RIOK3: variants seen among roughly 807,000 people sequenced by gnomAD.
The protein encoded by RIOK3 is serine/threonine-protein kinase RIO3.
Under a neutral mutation model 63.5 loss-of-function variants are expected in RIOK3, and 40 were observed. The ratio of observed to expected loss-of-function variants is 0.63; its 90% CI spans 0.49 to 0.82. The LOEUF (loss-of-function observed/expected upper bound fraction) is 0.82. Ranked by LOEUF, RIOK3 falls within the 40% of genes least tolerant of loss-of-function variation. The probability of loss-of-function intolerance (pLI) is 0.00; values close to 1 mark genes in which losing one functional copy is unlikely to be tolerated. For synonymous variants in RIOK3, 193 were observed against 205.0 expected, an observed-to-expected ratio of 0.94 and a Z score of 0.50; for missense variants, 557 against 637.0, an observed-to-expected ratio of 0.87 and a Z score of 1.35.
chr18:23,464,174 A>G, intron 3 of RIOK3, 32 bp from the exon 4 acceptor site: 1 of 1,609,288 alleles, frequency 6.2e-7, no homozygotes, highest in Non-Finnish European at 8.5e-7. Flanking sequence ...ATGTGCTCCT[A>G]AGTAAATCTT....
intron 9 of RIOK3, among the ~76,000 whole-genome samples, chr18:23,475,949 T>TA (rs2057487712): frequency 1.4e-5 from 2 of 148,068 alleles, no homozygotes; most frequent in African/African-American, 5.0e-5. Context: ...GGCTTTTTTT[T>TA]TTTTTTTTTT....
rs1251825841 is a variant in RIOK3, at chr18:23,481,395, G to A, written c.*116G>A. 1.6e-6 allele frequency: 1 copy of A among 626,906 alleles called. No individual in the cohort carries two copies. Among genetic ancestry groups the A allele is most frequent in the African/African-American group, 1.9e-5 (1 of 52,716 alleles). The allele number at this position is 626,906 out of a possible 1,614,324, so 38.8% of individuals were successfully genotyped here. ...CTGAGGAGTGGGCAATGGTGCTTCTGTGCTTTTCCCCCTTGTAACCCATGT... is the reference window on the plus strand; with the variant it reads ...CTGAGGAGTGGGCAATGGTGCTTCTATGCTTTTCCCCCTTGTAACCCATGT... On this transcript the variant is annotated 3_prime_UTR_variant, in exon 13 of 13. Transcript: ENST00000339486.
intron 1 of RIOK3, among the ~76,000 whole-genome samples, chr18:23,454,289 C>T (rs1229752156): frequency 6.6e-6 from 1 of 152,164 alleles, no homozygotes; most frequent in Non-Finnish European, 1.5e-5. Flanking sequence ...CATAGTTGTT[C>T]TTTACATGCT....
intron 7 of RIOK3, among the ~76,000 whole-genome samples, chr18:23,470,384 T>C (rs1047526285): frequency 5.3e-5 from 8 of 151,388 alleles, no homozygotes; most frequent in African/African-American, 1.9e-4. Context: ...AAAAATCCAA[T>C]GTTGAGTATA....
rs372592759 is a variant in RIOK3, at chr18:23,475,331, C to T, written c.1173+224C>T. Among the ~76,000 whole-genome samples the T allele has an allele frequency of 5.3e-5, 8 of 151,460 alleles. No individual in the cohort carries two copies. The East Asian group carries it at 9.7e-4, about 18-fold the overall frequency. On this transcript the variant is annotated intron_variant, in intron 9 of 12. Transcript: ENST00000339486. ...TAAAAATACAAAAAAATTAGCTGGG[C>T]GTGTGCCTGTAATCCCAGCTACTCG...
At position 23,463,061 on chromosome 18, in the gene RIOK3, C is replaced by A; in HGVS notation, c.161C>A (p.Ala54Asp). The A allele has an allele frequency of 6.2e-7, 1 of 1,607,096 alleles. No individual in the cohort carries two copies. Among genetic ancestry groups the A allele is most frequent in the Non-Finnish European group, 8.5e-7 (1 of 1,176,778 alleles). ...AKELQLEEEAAVFPEVAVAEG... is the reference protein window; with the variant it reads ...AKELQLEEEADVFPEVAVAEG... ...GAATTGCAGTTAGAAGAAGAAGCTGCCGTTTTTCCTGAAGTTGCGTAAGTA... is the reference window on the plus strand; with the variant it reads ...GAATTGCAGTTAGAAGAAGAAGCTGACGTTTTTCCTGAAGTTGCGTAAGTA... The change falls in exon 2 of 13, where the codon GCC becomes GAC. Residue 54 changes from alanine to aspartate, a missense_variant. Ala to Asp is a moderately radical substitution (Grantham distance 126). This residue lies in a region of RIOK3 where 243 missense variants were observed against 275.4 expected (regional missense o/e 0.88). Coordinates refer to ENST00000339486, the MANE Select transcript of RIOK3 (RefSeq NM_003831.5).
intron 11 of RIOK3, among the ~76,000 whole-genome samples, chr18:23,477,896 G>A (rs560891223): frequency 2.0e-5 from 3 of 151,750 alleles, no homozygotes; most frequent in African/African-American, 4.8e-5. Flanking sequence ...ATGGTGAAAC[G>A]CTGTCTGTAC....
At chr18:23,464,718 C>A (rs2057394949) in intron 5 of RIOK3, 90 bp downstream of exon 5, 1 of 615,530 alleles carries the variant, frequency 1.6e-6, no homozygotes, top group Non-Finnish European at 2.6e-6. Context: ...CCTTAGATTT[C>A]TAAAAATGTC....
intron 7 of RIOK3, among the ~76,000 whole-genome samples, chr18:23,470,282 C>T (rs1160543331): frequency 6.6e-6 from 1 of 150,752 alleles, no homozygotes; most frequent in Non-Finnish European, 1.5e-5. Flanking sequence ...AGGAGAATGG[C>T]GTGAACCTGG....
intron 8 of RIOK3, among the ~76,000 whole-genome samples, chr18:23,474,430 G>A (rs1014132184): frequency 1.3e-5 from 2 of 152,068 alleles, no homozygotes; most frequent in African/African-American, 4.8e-5. Flanking sequence ...TTTTCTAGAA[G>A]GTCTTGCTGT....
chr18:23,479,360 A>C lies in RIOK3; in HGVS notation c.1388A>C (p.Glu463Ala), dbSNP rs762929367. 34 of 1,613,820 alleles carry C rather than the reference A, an allele frequency of 2.1e-5. No individual in the cohort carries two copies. Among genetic ancestry groups the C allele is most frequent in the Non-Finnish European group, 2.9e-5 (34 of 1,179,848 alleles). ...GTCAAGGAAGCCCTTAGTGAACGAG[A>C]ACTCTTCAATGCTGTTTCAGGCTTA... ...GGVKEALSER[E>A]LFNAVSGLNI... Residue 463 changes from glutamate (E) to alanine (A), a missense_variant, in exon 12 of 13, where the codon GAA becomes GCA. This residue lies in a region of RIOK3 where 309 missense variants were observed against 338.7 expected (regional missense o/e 0.91). Transcript: ENST00000339486.
intron 1 of RIOK3, among the ~76,000 whole-genome samples, chr18:23,454,460 T>C (rs2057325095): frequency 6.6e-6 from 1 of 152,248 alleles, no homozygotes. Flanking sequence ...CGTTGGCAAA[T>C]GTGGTTAAGT....
intron 8 of RIOK3, among the ~76,000 whole-genome samples, chr18:23,473,949 T>A (rs999521407): frequency 1.3e-5 from 2 of 152,130 alleles, no homozygotes; most frequent in African/African-American, 4.8e-5. Flanking sequence ...TTTCAGAAAA[T>A]GTTTGTTGCA....
At chr18:23,470,103 G>A (rs982005754) in intron 7 of RIOK3, among the ~76,000 whole-genome samples, 2 of 152,060 alleles carry the variant, frequency 1.3e-5, no homozygotes, top group African/African-American at 4.8e-5. Context: ...TTAAAAATAG[G>A]TTAAAAAAAG....
intron 2 of RIOK3, 91 bp downstream of exon 2, chr18:23,463,170 A>C: frequency 1.2e-6 from 1 of 801,324 alleles, no homozygotes; most frequent in South Asian, 1.7e-5. Flanking sequence ...GTTTGGAAAA[A>C]GCAGTGCAGA....
intron 12 of RIOK3, among the ~76,000 whole-genome samples, chr18:23,480,582 CACACACACAT>C (rs1465176291): frequency 2.0e-5 from 3 of 148,360 alleles, no homozygotes; most frequent in Non-Finnish European, 3.0e-5. Flanking sequence ...CACACACACA[CACACACACAT>C]AGTAATTTCA....
At chr18:23,466,313 A>G (rs1197681673) in intron 6 of RIOK3, 37 bp downstream of exon 6, 2 of 1,467,002 alleles carry the variant, frequency 1.4e-6, no homozygotes, top group South Asian at 1.4e-5. Context: ...CTTTTTTACT[A>G]GAAAGATTCA....
At chr18:23,464,983 A>G (rs1191379318) in intron 5 of RIOK3, among the ~76,000 whole-genome samples, 2 of 152,328 alleles carry the variant, frequency 1.3e-5, no homozygotes, top group East Asian at 3.9e-4. Flanking sequence ...GGAGGGAGAA[A>G]TACTTTTCAC....
intron 12 of RIOK3, among the ~76,000 whole-genome samples, chr18:23,480,037 A>G (rs960083859): frequency 7.2e-5 from 11 of 152,230 alleles, no homozygotes; most frequent in Admixed American, 5.2e-4. Flanking sequence ...GATACAAAAA[A>G]TAGTAACATG....
Sources: allele counts gnomAD v4.1 joint callset (sites outside exome capture counted in the v4.1 genomes callset), GRCh38; gene constraint gnomAD v4.1.1; regional missense constraint gnomAD v4.1.1; transcripts MANE v1.5; gene names NCBI Gene and HGNC (gene_info 2026-07-23, HGNC 2026-07-21).